Variants in FBXO30 observed in about 807,000 individuals in gnomAD.
FBXO30 encodes F-box only protein 30.
A neutral mutation model predicts 58.1 loss-of-function variants in FBXO30; 21 were observed. The observed-to-expected ratio is 0.36, with a 90% CI of 0.26 to 0.52. The LOEUF is 0.52. FBXO30 is among the 20% of genes least tolerant of loss of function. The probability of loss-of-function intolerance (pLI) is 0.93; values close to 1 mark genes in which losing one functional copy is unlikely to be tolerated. For synonymous variants in FBXO30, 309 were observed against 312.4 expected (o/e 0.99, Z 0.11); for missense variants, 744 against 897.3 (o/e 0.83, Z 2.18).
In FBXO30 at chr6:145,798,475, A is replaced by G. The variant is rs1777909488; in HGVS notation, c.*1631T>C. Reference sequence around the variant, plus strand: ...ATTCTTCAGCAAAACTTTAAAAGGCAGAGTTACATTTTATGGTATTTAATA... The same window carrying G: ...ATTCTTCAGCAAAACTTTAAAAGGCGGAGTTACATTTTATGGTATTTAATA... On this transcript the variant is annotated 3_prime_UTR_variant, in exon 3 of 3. Coordinates refer to ENST00000237281, the MANE Select transcript of FBXO30 (RefSeq NM_032145.5). The G allele has an allele frequency of 6.6e-6, 1 of 152,526 alleles. No individual in the cohort carries two copies. Among genetic ancestry groups the G allele is most frequent in the South Asian group, 2.1e-4 (1 of 4,836 alleles). 9.4% of individuals were successfully genotyped at this position (152,526 alleles called of 1,614,324 possible).
At chr6:145,808,993 A>G (rs1341787569) in intron 1 of FBXO30, among the ~76,000 whole-genome samples, 1 of 151,952 alleles carries the variant, frequency 6.6e-6, no homozygotes, top group African/African-American at 2.4e-5. Flanking sequence ...TCAGTAGAAA[A>G]GTTCCGAGTT....
chr6:145,802,115 C>G (rs1405050378), intron 2 of FBXO30, among the ~76,000 whole-genome samples: 3 of 152,110 alleles, frequency 2.0e-5, no homozygotes. Flanking sequence ...GTGACTGAAA[C>G]TGACAATTGA....
intron 2 of FBXO30, among the ~76,000 whole-genome samples, chr6:145,803,762 C>T (rs994601392): frequency 1.3e-5 from 2 of 152,056 alleles, no homozygotes; most frequent in African/African-American, 4.8e-5. Context: ...ACCCAGAGTC[C>T]CCACCCAAAA....
At chr6:145,806,767 A>T (rs1225653484) in intron 1 of FBXO30, among the ~76,000 whole-genome samples, 1 of 152,198 alleles carries the variant, frequency 6.6e-6, no homozygotes, top group African/African-American at 2.4e-5. Context: ...TGTATTTTAG[A>T]TTTCAGAGTG....
Position 145,804,122 on chromosome 6 carries a change from G to GT in FBXO30, c.2034+249dup, listed in dbSNP as rs1252964515. Among the ~76,000 whole-genome samples the GT allele has an allele frequency of 7.9e-5, 12 of 152,188 alleles. No individual in the cohort carries two copies. In the East Asian group the frequency reaches 1.2e-3, roughly 15 times the overall value. On this transcript the variant is annotated intron_variant, in intron 2 of 2. Coordinates refer to ENST00000237281, the MANE Select transcript of FBXO30 (RefSeq NM_032145.5). Reference sequence around the variant, plus strand: ...AGTTGTTATAGAAAAATTGAGAAACGTAAGTGGTCTCTGCCATATTAGATT... The same window carrying GT: ...AGTTGTTATAGAAAAATTGAGAAACGTTAAGTGGTCTCTGCCATATTAGATT...
intron 1 of FBXO30, among the ~76,000 whole-genome samples, chr6:145,806,758 G>A (rs1340256043): frequency 1.3e-5 from 2 of 152,112 alleles, no homozygotes; most frequent in East Asian, 1.9e-4. Flanking sequence ...AAGTTAATGT[G>A]TATTTTAGAT....
intron 1 of FBXO30, among the ~76,000 whole-genome samples, chr6:145,813,416 T>C (rs1778389935): frequency 6.6e-6 from 1 of 151,778 alleles, no homozygotes; most frequent in South Asian, 2.1e-4. Flanking sequence ...TTATCCCCAA[T>C]TAAACTTTTG....
intron 1 of FBXO30, among the ~76,000 whole-genome samples, chr6:145,808,238 C>CA (rs35138994): frequency 0.27 from 40,437 of 148,586 alleles, 5,959 homozygotes; most frequent in South Asian, 0.37. Context: ...TGAAAACCAC[C>CA]AAAAAAAAAC....
chr6:145,802,456 C>CA (rs966191923), intron 2 of FBXO30, among the ~76,000 whole-genome samples: 1 of 152,000 alleles, frequency 6.6e-6, no homozygotes, highest in African/African-American at 2.4e-5. Context: ...TTAGGGATGG[C>CA]ATATTTTAAA....
Position 145,804,991 on chromosome 6 carries a change from G to A in FBXO30, c.1415C>T (p.Thr472Ile). 1 of 1,613,826 alleles carries A rather than the reference G, an allele frequency of 6.2e-7. No homozygotes were observed. The highest frequency in any genetic ancestry group is 1.1e-5 in the South Asian group (1 of 91,084). The change falls in exon 2 of 3, where the codon ACA becomes ATA. Residue 472 changes from threonine (T) to isoleucine (I), a missense_variant. By Grantham distance (89) the Thr-to-Ile change is moderately conservative. Coordinates refer to ENST00000237281, the MANE Select transcript of FBXO30 (RefSeq NM_032145.5). ...SLPSAILATSTMVGEIASASA... is the reference protein window; with the variant it reads ...SLPSAILATSIMVGEIASASA... ...AGCTGAAGCTATCTCCCCAACCATT[G>A]TACTTGTAGCTAATATTGCAGATGG...
chr6:145,802,665 T>C (rs989052180), intron 2 of FBXO30, among the ~76,000 whole-genome samples: 3 of 152,108 alleles, frequency 2.0e-5, no homozygotes, highest in Non-Finnish European at 4.4e-5. Flanking sequence ...GTGTAAGAAT[T>C]GTATTTAAGA....
chr6:145,808,228 T>C (rs1389033921), intron 1 of FBXO30, among the ~76,000 whole-genome samples: 4 of 134,632 alleles, frequency 3.0e-5, no homozygotes, highest in Non-Finnish European at 6.4e-5. Context: ...AAAGAAAAAC[T>C]GAAAACCACC....
At position 145,797,279 on chromosome 6, in the gene FBXO30, G is replaced by A. The variant is rs1170194377; in HGVS notation, c.*2827C>T. The A allele has an allele frequency of 2.0e-5, 3 of 151,976 alleles. No homozygotes were observed. The highest frequency in any genetic ancestry group is 1.9e-4 in the East Asian group (1 of 5,194). The allele number at this position is 151,976 out of a possible 1,614,324, so 9.4% of individuals were successfully genotyped here. ...AAGTCCAACAACTACAGTACCCAGT[G>A]TATTTTGTCATATGGCTGTAAAATT... On this transcript the variant is annotated 3_prime_UTR_variant, in exon 3 of 3. Coordinates refer to ENST00000237281, the MANE Select transcript of FBXO30 (RefSeq NM_032145.5).
intron 2 of FBXO30, 55 bp downstream of exon 2, chr6:145,804,317 A>G (rs1778096786): frequency 1.4e-6 from 2 of 1,380,066 alleles, no homozygotes; most frequent in Non-Finnish European, 2.0e-6. Flanking sequence ...TTAATTCAGC[A>G]GTATTATTAA....
Position 145,800,044 on chromosome 6 carries a change from T to C in FBXO30, c.*62A>G, listed in dbSNP as rs1189007852. On this transcript the variant is annotated 3_prime_UTR_variant, in exon 3 of 3. Coordinates refer to ENST00000237281, the MANE Select transcript of FBXO30 (RefSeq NM_032145.5). ...TAATATTTAATACATTAATAAAGTTTCACATATTACAAAGAAATTATACTA... is the reference window on the plus strand; with the variant it reads ...TAATATTTAATACATTAATAAAGTTCCACATATTACAAAGAAATTATACTA... The C allele has an allele frequency of 1.1e-5, 13 of 1,236,628 alleles. No individual in the cohort carries two copies. The highest frequency in any genetic ancestry group is 1.5e-5 in the Non-Finnish European group (13 of 857,382). 76.6% of individuals were successfully genotyped at this position (1,236,628 alleles called of 1,614,324 possible). A position where few individuals can be genotyped will look rare whatever the true frequency, so the allele number is the denominator to read the frequency against.
intron 1 of FBXO30, among the ~76,000 whole-genome samples, chr6:145,808,800 C>T (rs576971164): frequency 6.6e-6 from 1 of 152,152 alleles, no homozygotes; most frequent in African/African-American, 2.4e-5. Context: ...GTTTTCTTCA[C>T]CTCAGTGCGT....
At position 145,797,384 on chromosome 6, in the gene FBXO30, A is replaced by G. The variant is rs1385903569; in HGVS notation, c.*2722T>C. The stretch of plus-strand genomic sequence containing the variant: ...TACACATATATTTATACAAACACAC[A>G]CAGGTACACACATATATCCACTCCA... On this transcript the variant is annotated 3_prime_UTR_variant, in exon 3 of 3. Coordinates refer to ENST00000237281, the MANE Select transcript of FBXO30 (RefSeq NM_032145.5). 6.6e-6 allele frequency: 1 copy of G among 152,054 alleles called. No homozygotes were observed. The highest frequency in any genetic ancestry group is 1.5e-5 in the Non-Finnish European group (1 of 67,950). The allele number at this position is 152,054 out of a possible 1,614,324, so 9.4% of individuals were successfully genotyped here. A position where few individuals can be genotyped will look rare whatever the true frequency, so the allele number is the denominator to read the frequency against.
chr6:145,803,320 A>G (rs1368667503), intron 2 of FBXO30, among the ~76,000 whole-genome samples: 1 of 152,182 alleles, frequency 6.6e-6, no homozygotes, highest in African/African-American at 2.4e-5. Context: ...ACTTTCTGCC[A>G]TCAGAAATTC....
rs760829041 is a variant in FBXO30, at chr6:145,804,862, T to C, written c.1544A>G (p.Gln515Arg). Residue 515 changes from glutamine (Q) to arginine (R), a missense_variant, in exon 2 of 3, where the codon CAG (glutamine) becomes CGG (arginine). Gln to Arg is a conservative substitution (Grantham distance 43). Around this residue, in one of 3 missense-constraint regions of FBXO30, gnomAD observed 334 missense variants for 433.7 expected, o/e 0.77. Coordinates refer to ENST00000237281, the MANE Select transcript of FBXO30 (RefSeq NM_032145.5). ...LECVARYQPK[Q>R]RSMFTFVCGQ... The stretch of plus-strand genomic sequence containing the variant: ...ACACACAAAGGTAAACATTGAACGC[T>C]GCTTGGGTTGGTACCTAGCGACACA... The C allele has an allele frequency of 1.9e-6, 3 of 1,613,932 alleles. No homozygotes were observed. The South Asian group carries it at 3.3e-5, about 18-fold the overall frequency.
Sources: allele counts gnomAD v4.1 joint callset (sites outside exome capture counted in the v4.1 genomes callset), GRCh38; gene constraint gnomAD v4.1.1; regional missense constraint gnomAD v4.1.1; transcripts MANE v1.5; gene names NCBI Gene and HGNC (gene_info 2026-07-23, HGNC 2026-07-21).